The following CSMD2 variants were observed in gnomAD, a reference collection of about 807,000 sequenced individuals.
CSMD2 encodes the protein CUB and Sushi multiple domains 2.
CSMD2 carries 130 observed loss-of-function variants against 398.5 expected under a neutral mutation model. The observed-to-expected ratio is 0.33, with a 90% CI of 0.28 to 0.38. The LOEUF (loss-of-function observed/expected upper bound fraction) is 0.38, where lower values mean the gene tolerates loss of function less well. Ranked by LOEUF, CSMD2 falls within the 10% of genes least tolerant of loss-of-function variation. The probability of loss-of-function intolerance (pLI) is 1.00; values close to 1 mark genes in which losing one functional copy is unlikely to be tolerated. For missense variants in CSMD2, 3,829 were observed against 4,764.9 expected (o/e 0.80, Z 5.78); for synonymous variants, 1,828 against 1,908.5 (o/e 0.96, Z 1.10).
chr1:34,133,753 C>T (rs1197121138), intron 1 of CSMD2, among the ~76,000 whole-genome samples: 1 of 151,990 alleles, frequency 6.6e-6, no homozygotes, highest in Non-Finnish European at 1.5e-5. Context: ...AGAGAGCATG[C>T]CCAAGGGTAG....
At chr1:33,791,662 AT>A (rs1470600821) in intron 11 of CSMD2, among the ~76,000 whole-genome samples, 1 of 151,882 alleles carries the variant, frequency 6.6e-6, no homozygotes, top group Non-Finnish European at 1.5e-5. Flanking sequence ...TAATTTTTGA[AT>A]TTTTTGTAGA....
At chr1:33,596,176 A>G (rs1293657052) in intron 44 of CSMD2, among the ~76,000 whole-genome samples, 1 of 151,248 alleles carries the variant, frequency 6.6e-6, no homozygotes, top group Non-Finnish European at 1.5e-5. Context: ...ATTTCTGCTG[A>G]CCCCTCCCTC....
chr1:33,601,703 C>T (rs908029423), intron 43 of CSMD2, among the ~76,000 whole-genome samples: 4 of 152,218 alleles, frequency 2.6e-5, no homozygotes, highest in African/African-American at 9.6e-5. Context: ...ATATCAAATG[C>T]TAATTTGTAT....
chr1:33,521,652 G>T, intron 67 of CSMD2, 102 bp from the exon 68 acceptor site: 1 of 800,652 alleles, frequency 1.2e-6, no homozygotes, highest in Non-Finnish European at 2.2e-6. Flanking sequence ...CCACTGACCT[G>T]CTGCTCTGAC....
In CSMD2 at chr1:33,824,365, A is replaced by G. The variant is rs143730676; in HGVS notation, c.1111+1332T>C. 3.8e-3 allele frequency among the ~76,000 whole-genome samples: 574 copies of G among 152,276 alleles called. 4 individuals are homozygous for G. Among genetic ancestry groups the G allele is most frequent in the Non-Finnish European group, 5.4e-3 (365 of 68,020 alleles). On this transcript the variant is annotated intron_variant, in intron 7 of 70. Coordinates refer to ENST00000373381, the MANE Select transcript of CSMD2 (RefSeq NM_001281956.2). ...CTAAACCCCCAGTCAAGCACAGAAG[A>G]AGGCTCTTCTGGTGCCCTCTGCCAT...
chr1:34,074,749 T>C (rs1351746), intron 2 of CSMD2, among the ~76,000 whole-genome samples: 42,448 of 147,240 alleles, frequency 0.29, 6,117 homozygotes, highest in Admixed American at 0.39. Flanking sequence ...CACACACGCG[T>C]GTGTAAAACC....
rs569578428 is a variant in CSMD2, at chr1:33,746,200, T to C, written c.1847-2594A>G. 2.8e-4 allele frequency among the ~76,000 whole-genome samples: 43 copies of C among 152,304 alleles called. 1 individual carries two copies. The South Asian group carries it at 3.5e-3, about 12-fold the overall frequency. On this transcript the variant is annotated intron_variant, in intron 13 of 70. Coordinates refer to ENST00000373381, the MANE Select transcript of CSMD2 (RefSeq NM_001281956.2). ...GAATTGGGAGTCTCTAGGCTGGACA[T>C]GGATGCCCCCACACAGCCATCTTGT...
intron 62 of CSMD2, among the ~76,000 whole-genome samples, chr1:33,535,175 A>G (rs1655649252): frequency 6.6e-6 from 1 of 152,372 alleles, no homozygotes; most frequent in East Asian, 1.9e-4. Flanking sequence ...TATGGAACAC[A>G]TATAAAGTAT....
At chr1:34,116,457 A>G (rs187215497) in intron 1 of CSMD2, among the ~76,000 whole-genome samples, 81 of 152,172 alleles carry the variant, frequency 5.3e-4, no homozygotes, top group Admixed American at 2.4e-3. Flanking sequence ...ACAATTATAA[A>G]CATATATGTA....
At chr1:34,014,835 T>A (rs1276803056) in intron 3 of CSMD2, among the ~76,000 whole-genome samples, 1 of 152,200 alleles carries the variant, frequency 6.6e-6, no homozygotes, top group Non-Finnish European at 1.5e-5. Context: ...TTGAGGACAT[T>A]TCCTCCTGTT....
At chr1:33,902,721 T>C (rs1367969295) in intron 5 of CSMD2, among the ~76,000 whole-genome samples, 1 of 152,140 alleles carries the variant, frequency 6.6e-6, no homozygotes, top group African/African-American at 2.4e-5. Context: ...AGAAGAAAGA[T>C]AAAGCCACAT....
chr1:33,773,056 A>G (rs1484798728), intron 12 of CSMD2, among the ~76,000 whole-genome samples: 5 of 152,210 alleles, frequency 3.3e-5, no homozygotes, highest in Admixed American at 6.5e-5. Flanking sequence ...ATCCAATATG[A>G]GATGAAGCAA....
chr1:33,861,960 T>C (rs887334534), intron 5 of CSMD2, among the ~76,000 whole-genome samples: 24 of 151,728 alleles, frequency 1.6e-4, no homozygotes, highest in Non-Finnish European at 3.2e-4. Flanking sequence ...GAGGGCCCCA[T>C]TGACCAAAGT....
intron 1 of CSMD2, among the ~76,000 whole-genome samples, chr1:34,144,295 C>A (rs1184053910): frequency 6.6e-6 from 1 of 152,216 alleles, no homozygotes; most frequent in Non-Finnish European, 1.5e-5. Context: ...TCATCCTACT[C>A]TTGTCTCCAC....
chr1:34,091,932 G>C (rs985892831), intron 1 of CSMD2, among the ~76,000 whole-genome samples: 1 of 151,940 alleles, frequency 6.6e-6, no homozygotes, highest in African/African-American at 2.4e-5. Flanking sequence ...AAAAGAGGAA[G>C]CAAAATTATG....
In CSMD2 at chr1:34,164,986, G is replaced by T; in HGVS notation, c.112C>A (p.Arg38Ser). The T allele has an allele frequency of 4.1e-6, 5 of 1,209,960 alleles. No individual in the cohort carries two copies. The highest frequency in any genetic ancestry group is 5.1e-6 in the Non-Finnish European group (5 of 974,334). 75.0% of individuals were successfully genotyped at this position (1,209,960 alleles called of 1,614,324 possible). A position where few individuals can be genotyped will look rare whatever the true frequency, so the allele number is the denominator to read the frequency against. ...LVPGAGSRWG[R>S]PPPPTPPPLL... ...GGCGGCGGCGTTGGCGGCGGCGGGC[G>T]GCCCCAGCGGCTCCCGGCGCCCGGC... Residue 38 changes from arginine (R) to serine (S), a missense_variant, in exon 1 of 71, where the codon CGC becomes AGC. Arg to Ser is a moderately radical substitution (Grantham distance 110, BLOSUM62 -1). Transcript: ENST00000373381. The surrounding 1 kb of genome is among the most constrained non-coding windows in gnomAD (Gnocchi z 6.2).
chr1:34,046,284 T>C (rs547527098), intron 2 of CSMD2, among the ~76,000 whole-genome samples: 7 of 152,252 alleles, frequency 4.6e-5, no homozygotes, highest in Non-Finnish European at 1.0e-4. Context: ...CAATCAATTG[T>C]TATTTAACAA....
At position 33,546,169 on chromosome 1, in the gene CSMD2, G is replaced by T. The variant is rs746915901; in HGVS notation, c.8968C>A (p.Arg2990Ser). 3 of 1,614,170 alleles carry T rather than the reference G, an allele frequency of 1.9e-6. No individual in the cohort carries two copies. Among genetic ancestry groups the T allele is most frequent in the Non-Finnish European group, 2.5e-6 (3 of 1,179,998 alleles). ...GDPGIPAHGI[R>S]LGDSFDPGTV... is the part of the protein sequence containing the mutation. The stretch of plus-strand genomic sequence containing the variant: ...CCTGGATCAAAGCTGTCCCCCAAAC[G>T]GATGCCATGAGCCGGGATCCCAGGG... The change falls in exon 57 of 71, where the codon CGT becomes AGT. Residue 2990 changes from arginine to serine, a missense_variant. Physicochemically the swap from Arg to Ser is moderately radical, Grantham distance 110 (BLOSUM62 -1). Transcript: ENST00000373381.
At chr1:33,824,265 G>T (rs1178567407) in intron 7 of CSMD2, among the ~76,000 whole-genome samples, 1 of 152,146 alleles carries the variant, frequency 6.6e-6, no homozygotes, top group Non-Finnish European at 1.5e-5. Context: ...AGCCTGTGAG[G>T]GTCAGGGCCA....
Sources: allele counts gnomAD v4.1 joint callset (sites outside exome capture counted in the v4.1 genomes callset), GRCh38; gene constraint gnomAD v4.1.1; non-coding constraint Gnocchi (gnomAD v3.1); transcripts MANE v1.5; gene names NCBI Gene and HGNC (gene_info 2026-07-23, HGNC 2026-07-21).